SAMD4A: variants seen among roughly 807,000 people sequenced by gnomAD.
The protein encoded by SAMD4A is protein Smaug homolog 1.
SAMD4A carries 33 observed loss-of-function variants against 81.3 expected under a neutral mutation model. That is an observed-to-expected ratio of 0.41 (90% CI 0.31 to 0.54). The LOEUF (loss-of-function observed/expected upper bound fraction) is 0.54. Ranked by LOEUF, SAMD4A falls within the 20% of genes least tolerant of loss-of-function variation. The pLI, the probability that SAMD4A is intolerant of heterozygous loss-of-function variation, is 0.37. For missense variants in SAMD4A, 854 were observed against 951.1 expected (o/e 0.90, Z 1.34); for synonymous variants, 389 against 382.1 (o/e 1.02, Z -0.21).
At chr14:54,774,553 A>C (rs1462981067) in intron 9 of SAMD4A, among the ~76,000 whole-genome samples, 1 of 151,638 alleles carries the variant, frequency 6.6e-6, no homozygotes, top group Non-Finnish European at 1.5e-5. Flanking sequence ...AAATATAAAA[A>C]TCTGTAGTCC....
At chr14:54,638,917 C>T (rs1250386795) in intron 2 of SAMD4A, among the ~76,000 whole-genome samples, 1 of 152,142 alleles carries the variant, frequency 6.6e-6, no homozygotes, top group Non-Finnish European at 1.5e-5. Context: ...GAGTTTACTG[C>T]CTAAATTAAA....
intron 2 of SAMD4A, among the ~76,000 whole-genome samples, chr14:54,678,315 T>G (rs562775270): frequency 6.6e-6 from 1 of 152,090 alleles, no homozygotes; most frequent in South Asian, 2.1e-4. Flanking sequence ...GGAGGGTACC[T>G]CTAGAATGAA....
chr14:54,617,309 T>C (rs1451228590), intron 2 of SAMD4A, among the ~76,000 whole-genome samples: 1 of 152,236 alleles, frequency 6.6e-6, no homozygotes, highest in African/African-American at 2.4e-5. Flanking sequence ...TAAATATAAC[T>C]GTGCATTAAA....
intron 2 of SAMD4A, among the ~76,000 whole-genome samples, chr14:54,571,647 CTTATAG>C (rs1434605729): frequency 1.3e-5 from 2 of 152,206 alleles, no homozygotes; most frequent in East Asian, 3.9e-4. Flanking sequence ...AATTCCTATA[CTTATAG>C]TTAAATACAA....
intron 2 of SAMD4A, among the ~76,000 whole-genome samples, chr14:54,576,612 A>T (rs1001302836): frequency 2.0e-5 from 3 of 152,222 alleles, no homozygotes; most frequent in Non-Finnish European, 2.9e-5. Flanking sequence ...TGGAGAACTA[A>T]TGCCATTTCC....
At chr14:54,630,404 G>A (rs997165302) in intron 2 of SAMD4A, among the ~76,000 whole-genome samples, 4 of 152,122 alleles carry the variant, frequency 2.6e-5, no homozygotes, top group Non-Finnish European at 5.9e-5. Context: ...ATTGCATTGT[G>A]GTTTTAATTT....
chr14:54,718,410 T>C (rs535204155), intron 3 of SAMD4A, among the ~76,000 whole-genome samples: 305 of 152,356 alleles, frequency 2.0e-3, no homozygotes, highest in Non-Finnish European at 2.4e-3. Flanking sequence ...TTTGTGTTTT[T>C]GGCTGCCCCA....
intron 2 of SAMD4A, among the ~76,000 whole-genome samples, chr14:54,691,662 C>A (rs144120581): frequency 1.3e-5 from 2 of 152,072 alleles, no homozygotes; most frequent in South Asian, 2.1e-4. Context: ...AAATCAGCAG[C>A]CTTTTACTGC....
chr14:54,642,559 T>C (rs1223040217), intron 2 of SAMD4A, among the ~76,000 whole-genome samples: 1 of 152,208 alleles, frequency 6.6e-6, no homozygotes, highest in Non-Finnish European at 1.5e-5. Context: ...GTGGTTTGGA[T>C]AGCAATGGGC....
intron 2 of SAMD4A, among the ~76,000 whole-genome samples, chr14:54,609,138 T>A (rs577395926): frequency 6.6e-6 from 1 of 152,190 alleles, no homozygotes; most frequent in South Asian, 2.1e-4. Context: ...TTGGTTGAGT[T>A]TAAAATAGGA....
intron 2 of SAMD4A, among the ~76,000 whole-genome samples, chr14:54,649,391 G>A (rs1247312021): frequency 2.6e-5 from 4 of 152,174 alleles, no homozygotes; most frequent in Non-Finnish European, 5.9e-5. Context: ...AGAGAAACAC[G>A]CCATTCTGCT....
intron 3 of SAMD4A, 73 bp downstream of exon 3, chr14:54,702,653 A>G (rs888894033): frequency 3.3e-6 from 5 of 1,529,724 alleles, no homozygotes; most frequent in Middle Eastern, 3.4e-4. Flanking sequence ...TCCTGCTGAC[A>G]GTGTCTGCTC....
At chr14:54,670,128 G>A (rs10144101) in intron 2 of SAMD4A, among the ~76,000 whole-genome samples, 121,802 of 152,052 alleles carry the variant, frequency 0.8, 49,037 homozygotes, top group Middle Eastern at 0.86. Flanking sequence ...TTTAGTTCTC[G>A]CTCTGCCTGT....
chr14:54,633,567 G>A (rs1453478908), intron 2 of SAMD4A, among the ~76,000 whole-genome samples: 7 of 152,082 alleles, frequency 4.6e-5, no homozygotes, highest in African/African-American at 1.7e-4. Flanking sequence ...ATGTCAGAGA[G>A]TGGGGTGCCT....
intron 2 of SAMD4A, among the ~76,000 whole-genome samples, chr14:54,663,100 G>T (rs559724637): frequency 6.6e-6 from 1 of 152,212 alleles, no homozygotes; most frequent in African/African-American, 2.4e-5. Flanking sequence ...TTAAGAATGG[G>T]CTTAACTGAA....
intron 2 of SAMD4A, among the ~76,000 whole-genome samples, chr14:54,620,196 C>G (rs530865686): frequency 1.3e-5 from 2 of 152,116 alleles, no homozygotes; most frequent in South Asian, 4.2e-4. Flanking sequence ...ACTACCTTGC[C>G]CCAGGTCTCA....
chr14:54,692,684 G>A (rs1255084392), intron 2 of SAMD4A, among the ~76,000 whole-genome samples: 3 of 152,110 alleles, frequency 2.0e-5, no homozygotes, highest in East Asian at 1.9e-4. Flanking sequence ...ATTAGAGAGT[G>A]GGAAAGCTTC....
intron 1 of SAMD4A, 21 bp downstream of exon 1, chr14:54,567,359 G>A (rs1199324905): frequency 6.6e-6 from 1 of 152,668 alleles, no homozygotes; most frequent in Non-Finnish European, 1.5e-5. Flanking sequence ...GGCGGAGGGG[G>A]CGGCTGGATT....
Position 54,681,326 on chromosome 14 carries a change from A to C in SAMD4A, c.197-20736A>C, listed in dbSNP as rs573891711. Reference sequence around the variant, plus strand: ...CACTTTTGAAAAAAGTACTCCACAGATGATAGATACTAATCAGACATGAAA... The same window carrying C: ...CACTTTTGAAAAAAGTACTCCACAGCTGATAGATACTAATCAGACATGAAA... On this transcript the variant is annotated intron_variant, in intron 2 of 12. Coordinates refer to ENST00000554335, the MANE Select transcript of SAMD4A (RefSeq NM_015589.6). 2.1e-4 allele frequency among the ~76,000 whole-genome samples: 32 copies of C among 152,322 alleles called. 1 individual carries two copies. The highest frequency in any genetic ancestry group is 7.7e-4 in the African/African-American group (32 of 41,564).
Sources: gnomAD v4.1 joint callset for allele counts (sites outside exome capture counted in the v4.1 genomes callset) on GRCh38, gnomAD v4.1.1 for gene constraint, MANE v1.5 for transcripts, NCBI Gene and HGNC (gene_info 2026-07-23, HGNC 2026-07-21) for gene names.